RAB2A: variants seen among roughly 807,000 people sequenced by gnomAD.
RAB2A encodes the protein ras-related protein Rab-2A.
A neutral mutation model predicts 32.5 loss-of-function variants in RAB2A; 7 were observed. The observed-to-expected ratio is 0.22, with a 90% confidence interval of 0.12 to 0.40. The LOEUF (loss-of-function observed/expected upper bound fraction) is 0.40. Among genes scored for constraint, RAB2A ranks in the 10% least tolerant of loss-of-function variants. RAB2A has a pLI of 1.00. For synonymous variants in RAB2A, 79 were observed against 85.2 expected, an observed-to-expected ratio of 0.93 and a Z score of 0.40; for missense variants, 108 against 260.7, an observed-to-expected ratio of 0.41 and a Z score of 4.03.
At chr8:60,614,866 A>AGTG (rs1268562238) in intron 6 of RAB2A, among the ~76,000 whole-genome samples, 1 of 152,208 alleles carries the variant, frequency 6.6e-6, no homozygotes, top group Non-Finnish European at 1.5e-5. Flanking sequence ...AGGAAAGGCT[A>AGTG]GTGGTAAAAT....
chr8:60,607,963 C>T (rs1238691692), intron 6 of RAB2A, among the ~76,000 whole-genome samples: 1 of 152,082 alleles, frequency 6.6e-6, no homozygotes, highest in Non-Finnish European at 1.5e-5. Context: ...GATGTTTTTC[C>T]TTCTGGCTTC....
At chr8:60,580,106 C>T (rs1284641896) in intron 3 of RAB2A, among the ~76,000 whole-genome samples, 4 of 151,284 alleles carry the variant, frequency 2.6e-5, no homozygotes, top group South Asian at 2.1e-4. Flanking sequence ...AAGTGATTCT[C>T]CTGCCCCAGC....
At position 60,517,011 on chromosome 8, in the gene RAB2A, C is replaced by T. The variant is rs1408072146; in HGVS notation, c.-197C>T. ...TATTGTTCGGCTGGGCTCGGTCGGG[C>T]GCTGTCTCCCTCGGCTCTGCGGGTG... On this transcript the variant is annotated 5_prime_UTR_variant, in exon 1 of 8. Coordinates refer to ENST00000262646, the MANE Select transcript of RAB2A (RefSeq NM_002865.3). The T allele has an allele frequency of 1.8e-5, 9 of 492,258 alleles. No homozygotes were observed. The South Asian group carries it at 2.4e-4, about 13-fold the overall frequency. The allele number at this position is 492,258 out of a possible 1,614,324, so 30.5% of individuals were successfully genotyped here. A position where few individuals can be genotyped will look rare whatever the true frequency, so the allele number is the denominator to read the frequency against.
intron 6 of RAB2A, among the ~76,000 whole-genome samples, chr8:60,609,220 C>T (rs1804293191): frequency 6.6e-6 from 1 of 152,216 alleles, no homozygotes; most frequent in Non-Finnish European, 1.5e-5. Context: ...AAAGTATTCT[C>T]TGCACTTGAA....
At position 60,613,568 on chromosome 8, in the gene RAB2A, CA is replaced by C. The variant is rs747924369; in HGVS notation, c.475-5010del. ...GAGAGGCTAAGCACTGGTTCCAGAG[CA>C]ACACAGCTGGTAAGAAGTGGTACTG... is the stretch of plus-strand genomic sequence containing the variant. On this transcript the variant is annotated intron_variant, in intron 6 of 7. Transcript: ENST00000262646. Among the ~76,000 whole-genome samples the C allele has an allele frequency of 3.3e-5, 5 of 152,282 alleles. No homozygotes were observed. The East Asian group carries it at 9.6e-4, about 29-fold the overall frequency.
intron 3 of RAB2A, among the ~76,000 whole-genome samples, chr8:60,575,092 GGT>G (rs1554555773): frequency 4.1e-5 from 5 of 120,902 alleles, no homozygotes; most frequent in Non-Finnish European, 6.5e-5. Context: ...TTTTTTTGGG[GGT>G]TTTTTTTTTT....
At chr8:60,586,162 A>G (rs1803843084) in intron 5 of RAB2A, among the ~76,000 whole-genome samples, 1 of 152,090 alleles carries the variant, frequency 6.6e-6, no homozygotes, top group Non-Finnish European at 1.5e-5. Context: ...TTAGCTAGAC[A>G]TGATGGTGCA....
chr8:60,551,855 GATTTTTTTTTTTTTTTT>G (rs1807852990), intron 1 of RAB2A: 2 of 107,748 alleles, frequency 1.9e-5, no homozygotes, highest in Admixed American at 9.3e-5. Context: ...ACCATGCCTT[GATTTTTTTTTTTTTTTT>G]TTTTTTTTGG....
intron 2 of RAB2A, 129 bp downstream of exon 2, chr8:60,559,052 ATC>A (rs1201742467): frequency 6.2e-6 from 4 of 647,024 alleles, no homozygotes; most frequent in Non-Finnish European, 1.1e-5. Context: ...ACGCTGTTTA[ATC>A]TCTGTCACTT....
At chr8:60,588,056 T>G (rs183730512) in intron 5 of RAB2A, among the ~76,000 whole-genome samples, 13 of 152,298 alleles carry the variant, frequency 8.5e-5, no homozygotes, top group Non-Finnish European at 1.8e-4. Flanking sequence ...GAGGATTGCT[T>G]CAGCCTAGGA....
chr8:60,571,073 G>T (rs1808191204), intron 2 of RAB2A, among the ~76,000 whole-genome samples: 1 of 152,108 alleles, frequency 6.6e-6, no homozygotes, highest in Non-Finnish European at 1.5e-5. Context: ...ACAACTGTTT[G>T]CCCTTCTAAA....
At chr8:60,548,745 T>C (rs1225144778) in intron 1 of RAB2A, among the ~76,000 whole-genome samples, 1 of 117,872 alleles carries the variant, frequency 8.5e-6, no homozygotes, top group East Asian at 3.1e-4. Flanking sequence ...ACCTGCCGGA[T>C]GGGGCGGCTG....
At chr8:60,546,750 G>C (rs537567866) in intron 1 of RAB2A, among the ~76,000 whole-genome samples, 1 of 152,078 alleles carries the variant, frequency 6.6e-6, no homozygotes, top group African/African-American at 2.4e-5. Context: ...AAATGATTGC[G>C]TGCAAAGGCC....
At chr8:60,565,707 T>A (rs1808101591) in intron 2 of RAB2A, among the ~76,000 whole-genome samples, 1 of 41,178 alleles carries the variant, frequency 2.4e-5, no homozygotes, top group African/African-American at 1.7e-4. Flanking sequence ...TTTTTTTTTT[T>A]TTTTTTTTTT....
At chr8:60,579,331 C>T (rs1266069590) in intron 3 of RAB2A, among the ~76,000 whole-genome samples, 1 of 152,224 alleles carries the variant, frequency 6.6e-6, no homozygotes, top group Non-Finnish European at 1.5e-5. Flanking sequence ...GCGTGAGCCA[C>T]CACACCCAGC....
chr8:60,576,746 G>A (rs1803640512), intron 3 of RAB2A, among the ~76,000 whole-genome samples: 1 of 152,196 alleles, frequency 6.6e-6, no homozygotes, highest in African/African-American at 2.4e-5. Flanking sequence ...CTGGAACCCT[G>A]AGGGCTGAAA....
chr8:60,621,890 A>C lies in RAB2A; in HGVS notation c.*1121A>C, dbSNP rs1804534688. On this transcript the variant is annotated 3_prime_UTR_variant, in exon 8 of 8. Coordinates refer to ENST00000262646, the MANE Select transcript of RAB2A (RefSeq NM_002865.3). ...ATGGAAAATCCTGTTACAAAGTAGA[A>C]AAGCTTTAGTAATTTACTCAGTGTG... 3.3e-5 allele frequency: 5 copies of C among 152,194 alleles called. No homozygotes were observed. Among genetic ancestry groups the C allele is most frequent in the Non-Finnish European group, 5.9e-5 (4 of 68,032 alleles). 9.4% of individuals were successfully genotyped at this position (152,194 alleles called of 1,614,324 possible).
chr8:60,520,872 G>A (rs576080682), intron 1 of RAB2A, among the ~76,000 whole-genome samples: 3 of 152,282 alleles, frequency 2.0e-5, no homozygotes, highest in African/African-American at 4.8e-5. Flanking sequence ...GAGTGCAGTG[G>A]CACTATCACG....
intron 1 of RAB2A, among the ~76,000 whole-genome samples, chr8:60,556,051 T>C (rs1268278328): frequency 6.6e-6 from 1 of 152,224 alleles, no homozygotes; most frequent in Non-Finnish European, 1.5e-5. Context: ...AATCCTGTCA[T>C]TTGTGGCAAC....
Sources: gnomAD v4.1 joint callset for allele counts (sites outside exome capture counted in the v4.1 genomes callset) on GRCh38, gnomAD v4.1.1 for gene constraint, MANE v1.5 for transcripts, NCBI Gene and HGNC (gene_info 2026-07-23, HGNC 2026-07-21) for gene names.